The following ROR1 variants were observed in gnomAD, a reference collection of about 807,000 sequenced individuals.
ROR1 encodes inactive tyrosine-protein kinase transmembrane receptor ROR1.
A neutral mutation model predicts 78.8 loss-of-function variants in ROR1; 19 were observed. That is an observed-to-expected ratio of 0.24 (90% CI 0.17 to 0.35). The LOEUF (loss-of-function observed/expected upper bound fraction) is 0.35, where lower values mean the gene tolerates loss of function less well. Ranked by LOEUF, ROR1 falls within the 10% of genes least tolerant of loss-of-function variation. The pLI is 1.00. For synonymous variants in ROR1, 386 were observed against 433.6 expected, an observed-to-expected ratio of 0.89 and a Z score of 1.36; for missense variants, 917 against 1,177.8, an observed-to-expected ratio of 0.78 and a Z score of 3.24.
chr1:63,878,140 G>C (rs1645299583), intron 1 of ROR1, among the ~76,000 whole-genome samples: 1 of 152,148 alleles, frequency 6.6e-6, no homozygotes, highest in Non-Finnish European at 1.5e-5. Context: ...AGATGGTGTG[G>C]CCTTGGGGAC....
At chr1:63,835,782 T>C (rs1645015829) in intron 1 of ROR1, among the ~76,000 whole-genome samples, 1 of 152,198 alleles carries the variant, frequency 6.6e-6, no homozygotes, top group Non-Finnish European at 1.5e-5. Context: ...TGTTGGACAA[T>C]ATAGGGTGCA....
intron 1 of ROR1, among the ~76,000 whole-genome samples, chr1:63,790,940 C>G (rs897841344): frequency 2.0e-5 from 3 of 152,216 alleles, no homozygotes; most frequent in Admixed American, 2.0e-4. Context: ...TACAGCAACT[C>G]TGCCTTAGCC....
At chr1:64,086,732 T>C (rs553961532) in intron 4 of ROR1, among the ~76,000 whole-genome samples, 2 of 152,310 alleles carry the variant, frequency 1.3e-5, no homozygotes, top group East Asian at 1.9e-4. Flanking sequence ...AAGTGCTTTT[T>C]TTCTCCTGTA....
chr1:63,934,390 C>T (rs763371249), intron 1 of ROR1, among the ~76,000 whole-genome samples: 17 of 152,142 alleles, frequency 1.1e-4, no homozygotes, highest in Non-Finnish European at 2.4e-4. Context: ...TGACACCAAC[C>T]TCATGGACTT....
At chr1:63,881,928 A>C (rs1376404659) in intron 1 of ROR1, among the ~76,000 whole-genome samples, 3 of 152,108 alleles carry the variant, frequency 2.0e-5, no homozygotes, top group Non-Finnish European at 4.4e-5. Flanking sequence ...TAGAAAGGGG[A>C]TAATGGTAGA....
At chr1:64,010,739 G>A (rs1277209242) in intron 2 of ROR1, among the ~76,000 whole-genome samples, 1 of 152,064 alleles carries the variant, frequency 6.6e-6, no homozygotes, top group Admixed American at 6.5e-5. Context: ...GAATCATGAG[G>A]GTGGTTTCCC....
At chr1:64,071,805 C>T (rs894148261) in intron 4 of ROR1, among the ~76,000 whole-genome samples, 5 of 152,114 alleles carry the variant, frequency 3.3e-5, no homozygotes, top group Non-Finnish European at 7.4e-5. Flanking sequence ...TAGCTATAGC[C>T]TTCAGCAATG....
chr1:63,846,861 C>A (rs558557752), intron 1 of ROR1, among the ~76,000 whole-genome samples: 15 of 152,302 alleles, frequency 9.8e-5, no homozygotes, highest in Admixed American at 8.5e-4. Context: ...TGCGGCACAG[C>A]GCGTTACTGC....
chr1:64,137,106 C>A (rs1649139694), intron 4 of ROR1, among the ~76,000 whole-genome samples: 1 of 152,216 alleles, frequency 6.6e-6, no homozygotes, highest in Non-Finnish European at 1.5e-5. Context: ...CCACCACCAG[C>A]TGCGAAAATA....
At chr1:64,063,639 T>C (rs1203113868) in intron 4 of ROR1, among the ~76,000 whole-genome samples, 1 of 152,058 alleles carries the variant, frequency 6.6e-6, no homozygotes, top group African/African-American at 2.4e-5. Flanking sequence ...TCTCTCTCTC[T>C]CTCTCCCATA....
chr1:64,075,104 C>T (rs1647038382), intron 4 of ROR1, among the ~76,000 whole-genome samples: 2 of 152,144 alleles, frequency 1.3e-5, no homozygotes, highest in Non-Finnish European at 2.9e-5. Flanking sequence ...CCTTGTCATT[C>T]CTGTGCTTGA....
At chr1:64,079,026 C>A (rs961876536) in intron 4 of ROR1, among the ~76,000 whole-genome samples, 2 of 152,024 alleles carry the variant, frequency 1.3e-5, no homozygotes, top group African/African-American at 4.8e-5. Flanking sequence ...TGCTGAGAAT[C>A]GTTGATTAGA....
intron 2 of ROR1, among the ~76,000 whole-genome samples, chr1:64,013,128 G>A (rs1347000716): frequency 6.6e-6 from 1 of 152,148 alleles, no homozygotes; most frequent in Non-Finnish European, 1.5e-5. Flanking sequence ...AATTCACCTG[G>A]CCAGCAAATC....
Position 63,989,739 on chromosome 1 carries a change from T to C in ROR1, c.92-19566T>C, listed in dbSNP as rs141985888. Among the ~76,000 whole-genome samples the C allele has an allele frequency of 6.3e-3, 952 of 152,004 alleles. 9 individuals carry two copies. The highest frequency in any genetic ancestry group is 0.022 in the African/African-American group (920 of 41,242). The stretch of plus-strand genomic sequence containing the variant: ...GTTTCTAGATCTCTCATCATGTATA[T>C]CAGTCAATTCTGGACTACAGTCTAG... On this transcript the variant is annotated intron_variant, in intron 1 of 8. Transcript: ENST00000371079.
intron 4 of ROR1, among the ~76,000 whole-genome samples, chr1:64,129,756 A>G (rs1648846512): frequency 6.6e-6 from 1 of 152,242 alleles, no homozygotes; most frequent in Non-Finnish European, 1.5e-5. Flanking sequence ...ATCATTTCAA[A>G]TGTGTGTTTA....
At chr1:63,818,568 A>C (rs188813031) in intron 1 of ROR1, among the ~76,000 whole-genome samples, 43 of 152,338 alleles carry the variant, frequency 2.8e-4, no homozygotes, top group African/African-American at 1.0e-3. Context: ...GATGGGAAGT[A>C]ATTCACAAAA....
intron 1 of ROR1, among the ~76,000 whole-genome samples, chr1:63,849,554 C>T (rs771935983): frequency 2.0e-5 from 3 of 151,992 alleles, no homozygotes; most frequent in Non-Finnish European, 4.4e-5. Context: ...AAAAAGTTGG[C>T]GGGGTGTGGG....
intron 1 of ROR1, among the ~76,000 whole-genome samples, chr1:63,940,490 T>TAGACAGACAGACAGAC: frequency 2.2e-5 from 2 of 91,488 alleles, no homozygotes; most frequent in African/African-American, 6.8e-5. Flanking sequence ...GACAGATAGA[T>TAGACAGACAGACAGAC]AGACAGACAG....
Position 64,177,607 on chromosome 1 carries a change from A to G in ROR1, c.1566A>G (p.Gln522=). The change falls in exon 9 of 9, where the codon CAA becomes CAG. Residue 522 remains glutamine, a synonymous_variant. Coordinates refer to ENST00000371079, the MANE Select transcript of ROR1 (RefSeq NM_005012.4). The part of the protein sequence containing the change: ...NNPQQWTEFQ[Q]EASLMAELHH... ...CCCAGCAATGGACGGAATTTCAACA[A>G]GAAGCCTCCCTAATGGCAGAACTGC... The G allele has an allele frequency of 1.9e-6, 3 of 1,614,208 alleles. No individual in the cohort carries two copies. Among genetic ancestry groups the G allele is most frequent in the Non-Finnish European group, 2.5e-6 (3 of 1,180,034 alleles).
Sources: allele counts gnomAD v4.1 joint callset (sites outside exome capture counted in the v4.1 genomes callset), GRCh38; gene constraint gnomAD v4.1.1; transcripts MANE v1.5; gene names NCBI Gene and HGNC (gene_info 2026-07-23, HGNC 2026-07-21).